The following SART3 variants were observed in gnomAD, a reference collection of about 807,000 sequenced individuals.
SART3 encodes the protein spliceosome associated factor 3, U4/U6 recycling protein.
Under a neutral mutation model 122.3 loss-of-function variants are expected in SART3, and 44 were observed. That is an observed-to-expected ratio of 0.36 (90% CI 0.28 to 0.46). The LOEUF (loss-of-function observed/expected upper bound fraction) is 0.46, where lower values mean the gene tolerates loss of function less well. Ranked by LOEUF, SART3 falls within the 20% of genes least tolerant of loss-of-function variation. SART3 has a pLI of 1.00. For missense variants in SART3, 1,101 were observed against 1,229.0 expected (o/e 0.90, Z 1.56); for synonymous variants, 442 against 454.0 (o/e 0.97, Z 0.34).
chr12:108,549,359 G>A (rs774001145), intron 1 of SART3, 145 bp from the exon 2 acceptor site: 7 of 760,316 alleles, frequency 9.2e-6, no homozygotes, highest in South Asian at 3.1e-5. Flanking sequence ...AACCCAGCAC[G>A]TACCCACAGG....
chr12:108,559,735 C>T (rs1413576855), intron 1 of SART3, among the ~76,000 whole-genome samples: 1 of 151,294 alleles, frequency 6.6e-6, no homozygotes, highest in African/African-American at 2.4e-5. Context: ...AAAAAACACC[C>T]TACCCTCTCC....
chr12:108,537,410 TG>T (rs1460810383), intron 9 of SART3, 77 bp downstream of exon 9: 2 of 1,058,032 alleles, frequency 1.9e-6, no homozygotes, highest in Non-Finnish European at 2.9e-6. Context: ...ACAATGTATC[TG>T]GGGAACTGGG....
chr12:108,538,608 C>A (rs1379788032), intron 7 of SART3, among the ~76,000 whole-genome samples: 1 of 152,144 alleles, frequency 6.6e-6, no homozygotes, highest in Non-Finnish European at 1.5e-5. Flanking sequence ...ATTGTTGAAG[C>A]TGGGTGAGGG....
intron 1 of SART3, among the ~76,000 whole-genome samples, chr12:108,552,343 A>G (rs2030040459): frequency 6.6e-6 from 1 of 152,138 alleles, no homozygotes; most frequent in African/African-American, 2.4e-5. Context: ...CTCTTTTCCA[A>G]CAAAGTCCTA....
intron 12 of SART3, among the ~76,000 whole-genome samples, chr12:108,533,042 A>T (rs972520945): frequency 6.6e-6 from 1 of 152,232 alleles, no homozygotes; most frequent in African/African-American, 2.4e-5. Flanking sequence ...ACTGTTATGC[A>T]ACAGTGTATT....
intron 1 of SART3, 88 bp downstream of exon 1, chr12:108,560,755 C>T (rs1329104244): frequency 2.4e-6 from 3 of 1,273,106 alleles, no homozygotes; most frequent in Non-Finnish European, 2.1e-6. Flanking sequence ...GGCTTTATCG[C>T]CGCCGAGGAC....
chr12:108,551,425 A>G (rs2030005620), intron 1 of SART3, among the ~76,000 whole-genome samples: 1 of 152,220 alleles, frequency 6.6e-6, no homozygotes, highest in South Asian at 2.1e-4. Flanking sequence ...GCAACTGATA[A>G]AACTACTAGA....
At chr12:108,552,953 C>T (rs1213080938) in intron 1 of SART3, among the ~76,000 whole-genome samples, 2 of 152,034 alleles carry the variant, frequency 1.3e-5, no homozygotes, top group African/African-American at 4.8e-5. Flanking sequence ...TACAATACAG[C>T]TACAATCATC....
intron 1 of SART3, among the ~76,000 whole-genome samples, chr12:108,550,967 G>A (rs962135009): frequency 3.9e-5 from 6 of 152,264 alleles, no homozygotes; most frequent in African/African-American, 7.2e-5. Flanking sequence ...ATAGTAAAAC[G>A]GCAGGCTTTG....
chr12:108,525,151 C>T (rs986829462), intron 17 of SART3, among the ~76,000 whole-genome samples: 11 of 152,360 alleles, frequency 7.2e-5, no homozygotes, highest in African/African-American at 2.4e-4. Context: ...GGGCGCCCAC[C>T]CCAAAGCCCG....
intron 8 of SART3, chr12:108,537,844 C>A: frequency 1.4e-6 from 1 of 690,130 alleles, no homozygotes; most frequent in Non-Finnish European, 2.4e-6. Context: ...TTGGAGAAAA[C>A]ACTACAACTT....
intron 14 of SART3, 82 bp from the exon 15 acceptor site, chr12:108,530,392 G>A (rs2136667048): frequency 4.0e-6 from 6 of 1,488,466 alleles, no homozygotes; most frequent in Non-Finnish European, 5.6e-6. Flanking sequence ...GGGAGAAGGA[G>A]TGGAAATTCA....
At chr12:108,545,947 G>A (rs1481133532) in intron 3 of SART3, among the ~76,000 whole-genome samples, 1 of 104,904 alleles carries the variant, frequency 9.5e-6, no homozygotes, top group Admixed American at 1.3e-4. Flanking sequence ...CAGCCTAAGC[G>A]AAAGAGTAAG....
intron 15 of SART3, among the ~76,000 whole-genome samples, chr12:108,528,222 C>G (rs976643512): frequency 6.6e-6 from 1 of 152,112 alleles, no homozygotes; most frequent in East Asian, 1.9e-4. Context: ...GTGTCTCATG[C>G]CTGTAATAAC....
chr12:108,559,417 G>T (rs559154124), intron 1 of SART3, among the ~76,000 whole-genome samples: 4 of 152,312 alleles, frequency 2.6e-5, no homozygotes, highest in Admixed American at 6.5e-5. Flanking sequence ...TGTAATCTCA[G>T]CACTACGGGA....
chr12:108,530,582 C>A (rs1356617894), intron 14 of SART3, among the ~76,000 whole-genome samples: 1 of 152,088 alleles, frequency 6.6e-6, no homozygotes, highest in Admixed American at 6.6e-5. Context: ...ACTGGCCGGG[C>A]GCGGTGGCTC....
rs1314806695 is a variant in SART3 at position 108,525,607 on chromosome 12, C to A, written c.2373G>T (p.Val791=). 1 of 1,614,010 alleles carries A rather than the reference C, an allele frequency of 6.2e-7. No homozygotes were observed. Among genetic ancestry groups the A allele is most frequent in the Non-Finnish European group, 8.5e-7 (1 of 1,179,900 alleles). Residue 791 remains valine (V), a splice_region_variant and synonymous_variant, in exon 17 of 19, where the codon GTG becomes GTT. Coordinates refer to ENST00000546815, the MANE Select transcript of SART3 (RefSeq NM_014706.4). ...VDKSKNPDFK[V]FRYSTSLEKH... ...TCTCTAGGGAAGTGCTGTACCTGAA[C>A]ACCTATAGGAAGAAGGAAGACAGAG...
chr12:108,542,049 C>T (rs1398920026), intron 6 of SART3, among the ~76,000 whole-genome samples: 3 of 127,976 alleles, frequency 2.3e-5, no homozygotes, highest in Admixed American at 1.8e-4. Context: ...GGTTGTGCTA[C>T]GCTGCCAGGC....
At chr12:108,537,700 A>C in intron 8 of SART3, 105 bp from the exon 9 acceptor site, 2 of 840,646 alleles carry the variant, frequency 2.4e-6, no homozygotes, top group South Asian at 2.9e-5. Flanking sequence ...TTAAAGACTA[A>C]TAGATGCAAC....
Sources: allele counts gnomAD v4.1 joint callset (sites outside exome capture counted in the v4.1 genomes callset), GRCh38; gene constraint gnomAD v4.1.1; transcripts MANE v1.5; gene names NCBI Gene and HGNC (gene_info 2026-07-23, HGNC 2026-07-21).